MDGA2: variants seen among roughly 807,000 people sequenced by gnomAD.
The protein encoded by MDGA2 is MAM domain-containing glycosylphosphatidylinositol anchor protein 2.
Under a neutral mutation model 117.8 loss-of-function variants are expected in MDGA2, and 40 were observed. The ratio of observed to expected loss-of-function variants is 0.34; its 90% CI spans 0.26 to 0.44. The LOEUF (loss-of-function observed/expected upper bound fraction) is 0.44. Ranked by LOEUF, MDGA2 falls within the 20% of genes least tolerant of loss-of-function variation. The pLI is 1.00. For missense variants in MDGA2, 1,123 were observed against 1,250.6 expected, an observed-to-expected ratio of 0.90 and a Z score of 1.54; for synonymous variants, 452 against 439.0, an observed-to-expected ratio of 1.03 and a Z score of -0.37.
intron 3 of MDGA2, among the ~76,000 whole-genome samples, chr14:47,181,315 T>C (rs1884696449): frequency 1.3e-5 from 2 of 152,112 alleles, no homozygotes; most frequent in Non-Finnish European, 2.9e-5. Context: ...CTCCTATTTA[T>C]GAGTGAGAAC....
At chr14:47,594,905 C>A (rs562253289) in intron 1 of MDGA2, among the ~76,000 whole-genome samples, 1 of 124,234 alleles carries the variant, frequency 8.0e-6, no homozygotes, top group East Asian at 2.4e-4. Context: ...CACAAATTAT[C>A]TATCAACTCC....
At chr14:47,156,904 T>C (rs1223062981) in intron 3 of MDGA2, among the ~76,000 whole-genome samples, 2 of 152,218 alleles carry the variant, frequency 1.3e-5, no homozygotes, top group Non-Finnish European at 2.9e-5. Context: ...CAACTATATA[T>C]GAATGCACTA....
At chr14:47,091,218 T>C (rs1484505866) in intron 6 of MDGA2, among the ~76,000 whole-genome samples, 1 of 152,132 alleles carries the variant, frequency 6.6e-6, no homozygotes, top group African/African-American at 2.4e-5. Flanking sequence ...TAATATGAGC[T>C]GATGAACTTA....
chr14:47,234,612 T>C (rs1416053206), intron 2 of MDGA2, among the ~76,000 whole-genome samples: 1 of 152,104 alleles, frequency 6.6e-6, no homozygotes, highest in Non-Finnish European at 1.5e-5. Flanking sequence ...TAAATACATA[T>C]TAAACTTATC....
intron 2 of MDGA2, among the ~76,000 whole-genome samples, chr14:47,237,317 A>C (rs760407457): frequency 6.6e-6 from 1 of 152,170 alleles, no homozygotes; most frequent in Non-Finnish European, 1.5e-5. Context: ...GATTTGCAAC[A>C]CTTATGAGCC....
chr14:47,500,277 G>A (rs574697922), intron 1 of MDGA2, among the ~76,000 whole-genome samples: 27 of 152,152 alleles, frequency 1.8e-4, no homozygotes, highest in South Asian at 8.3e-4. Flanking sequence ...GCCTCAGCCC[G>A]TAACAGGAAT....
At chr14:46,984,839 A>C (rs1044068724) in intron 8 of MDGA2, among the ~76,000 whole-genome samples, 1 of 152,094 alleles carries the variant, frequency 6.6e-6, no homozygotes, top group African/African-American at 2.4e-5. Context: ...TTTAACACCT[A>C]GTTTTGCTAA....
At chr14:46,916,061 A>T (rs1222022142) in intron 10 of MDGA2, among the ~76,000 whole-genome samples, 1 of 152,138 alleles carries the variant, frequency 6.6e-6, no homozygotes, top group Non-Finnish European at 1.5e-5. Flanking sequence ...GAGAACAAAG[A>T]AGTAGTTTCA....
chr14:47,600,677 T>C (rs940419796), intron 1 of MDGA2, among the ~76,000 whole-genome samples: 1 of 151,106 alleles, frequency 6.6e-6, no homozygotes, highest in Non-Finnish European at 1.5e-5. Context: ...TCAGTCATCC[T>C]TGTCCTGGTA....
intron 9 of MDGA2, among the ~76,000 whole-genome samples, chr14:46,952,660 A>G (rs1885410770): frequency 6.6e-6 from 1 of 151,932 alleles, no homozygotes; most frequent in Admixed American, 6.6e-5. Flanking sequence ...ACCCTGGTAA[A>G]GTCATATACA....
In MDGA2 at chr14:47,306,337, G is replaced by T. The variant is rs140451838; in HGVS notation, c.281-4787C>A. On this transcript the variant is annotated intron_variant, in intron 1 of 16. Transcript: ENST00000399232. Reference sequence around the variant, plus strand: ...CGCCATGGAACTCACATTACCCACCGTTGGGGGAATCTTGAGATGAGGGGC... The same window carrying T: ...CGCCATGGAACTCACATTACCCACCTTTGGGGGAATCTTGAGATGAGGGGC... Among the ~76,000 whole-genome samples, 1,113 of 152,262 alleles carry T rather than the reference G, an allele frequency of 7.3e-3. 8 individuals are homozygous for T. Among genetic ancestry groups the T allele is most frequent in the Non-Finnish European group, 0.011 (718 of 68,004 alleles).
chr14:47,317,430 T>C (rs1889841193), intron 1 of MDGA2, among the ~76,000 whole-genome samples: 1 of 152,154 alleles, frequency 6.6e-6, no homozygotes, highest in South Asian at 2.1e-4. Flanking sequence ...TACTTACTTA[T>C]GTCATGATAT....
In MDGA2 at chr14:47,212,197, C is replaced by T. The variant is rs74826879; in HGVS notation, c.595+5824G>A. On this transcript the variant is annotated intron_variant, in intron 3 of 16. Transcript: ENST00000399232. ...GTACCAACATTCCTTATGCTATTTG[C>T]CTATCTTTTATATAGGAGATAATAT... Among the ~76,000 whole-genome samples the T allele has an allele frequency of 7.4e-3, 1,131 of 152,122 alleles. 15 individuals are homozygous for T. The highest frequency in any genetic ancestry group is 0.026 in the African/African-American group (1,087 of 41,526).
chr14:46,896,692 T>G (rs1883090795), intron 10 of MDGA2, among the ~76,000 whole-genome samples: 1 of 152,136 alleles, frequency 6.6e-6, no homozygotes, highest in Non-Finnish European at 1.5e-5. Flanking sequence ...CTTTGAGTCT[T>G]AGAATATTCA....
At chr14:47,392,906 T>C (rs778691778) in intron 1 of MDGA2, among the ~76,000 whole-genome samples, 36 of 152,204 alleles carry the variant, frequency 2.4e-4, no homozygotes, top group Non-Finnish European at 2.6e-4. Context: ...TAATATAAAT[T>C]TGAGCATCTC....
intron 3 of MDGA2, among the ~76,000 whole-genome samples, chr14:47,187,182 A>G (rs1166775005): frequency 1.3e-5 from 2 of 152,022 alleles, no homozygotes; most frequent in East Asian, 3.9e-4. Context: ...AAGAAAAAAA[A>G]ACGAGAAATA....
chr14:47,394,969 T>G (rs976767268), intron 1 of MDGA2, among the ~76,000 whole-genome samples: 5 of 152,038 alleles, frequency 3.3e-5, no homozygotes, highest in African/African-American at 7.2e-5. Flanking sequence ...TTGGTCAACA[T>G]AGTGAGACCC....
At chr14:47,042,345 GTA>G (rs978226704) in intron 7 of MDGA2, among the ~76,000 whole-genome samples, 13 of 142,452 alleles carry the variant, frequency 9.1e-5, no homozygotes, top group African/African-American at 3.4e-4. Context: ...GTGTGTGTGT[GTA>G]TGCACACGCA....
chr14:47,292,249 T>G (rs1197200098), intron 2 of MDGA2, among the ~76,000 whole-genome samples: 1 of 152,168 alleles, frequency 6.6e-6, no homozygotes, highest in Non-Finnish European at 1.5e-5. Flanking sequence ...TGAGAAGCAG[T>G]GTTACTGATG....
Sources: allele counts gnomAD v4.1 joint callset (sites outside exome capture counted in the v4.1 genomes callset), GRCh38; gene constraint gnomAD v4.1.1; transcripts MANE v1.5; gene names NCBI Gene and HGNC (gene_info 2026-07-23, HGNC 2026-07-21).